TTC7B: variants seen among roughly 807,000 people sequenced by gnomAD.
TTC7B encodes the protein tetratricopeptide repeat domain 7B, also known as tetratricopeptide repeat protein 7B.
TTC7B carries 28 observed loss-of-function variants against 106.8 expected under a neutral mutation model. The observed-to-expected ratio is 0.26, with a 90% CI of 0.19 to 0.36. The LOEUF (loss-of-function observed/expected upper bound fraction) is 0.36. TTC7B is among the 10% of genes least tolerant of loss of function. TTC7B has a pLI of 1.00. For missense variants in TTC7B, 862 were observed against 1,076.4 expected (o/e 0.80, Z 2.79); for synonymous variants, 405 against 430.6 (o/e 0.94, Z 0.74).
intron 19 of TTC7B, among the ~76,000 whole-genome samples, chr14:90,548,354 G>C (rs774709412): frequency 3.3e-5 from 5 of 152,234 alleles, no homozygotes; most frequent in Non-Finnish European, 7.3e-5. Flanking sequence ...CCCTTTGCAG[G>C]GGGTAGAGGT....
chr14:90,650,059 A>G (rs1199612153), intron 13 of TTC7B, among the ~76,000 whole-genome samples: 4 of 152,246 alleles, frequency 2.6e-5, no homozygotes, highest in African/African-American at 9.6e-5. Context: ...TGTGGCATCT[A>G]ACCCAGGGCT....
At chr14:90,638,110 C>T (rs761800148) in intron 15 of TTC7B, among the ~76,000 whole-genome samples, 25 of 151,818 alleles carry the variant, frequency 1.6e-4, no homozygotes, top group Non-Finnish European at 4.4e-5. Context: ...GTCTTGAACT[C>T]CTGAGCTCAA....
chr14:90,585,031 T>A (rs1194153616), intron 18 of TTC7B, among the ~76,000 whole-genome samples: 1 of 152,188 alleles, frequency 6.6e-6, no homozygotes, highest in East Asian at 1.9e-4. Flanking sequence ...CTGAGAAGGG[T>A]TAGCAAGTGG....
intron 5 of TTC7B, among the ~76,000 whole-genome samples, chr14:90,696,550 G>A (rs1477847713): frequency 6.6e-6 from 1 of 152,158 alleles, no homozygotes; most frequent in Admixed American, 6.5e-5. Flanking sequence ...CTTCTTGGAC[G>A]ACATTTTGAA....
intron 8 of TTC7B, among the ~76,000 whole-genome samples, chr14:90,677,097 CT>C (rs1886873507): frequency 6.6e-6 from 1 of 152,200 alleles, no homozygotes; most frequent in Non-Finnish European, 1.5e-5. Flanking sequence ...ATTCCCAGCC[CT>C]GCATTTCCCA....
chr14:90,548,972 C>T (rs1457474690), intron 19 of TTC7B, among the ~76,000 whole-genome samples: 2 of 151,846 alleles, frequency 1.3e-5, no homozygotes, highest in Non-Finnish European at 1.5e-5. Flanking sequence ...CTAAAAAATA[C>T]AAAAAATTAG....
chr14:90,723,334 C>T (rs1468456182), intron 5 of TTC7B, among the ~76,000 whole-genome samples: 1 of 152,228 alleles, frequency 6.6e-6, no homozygotes, highest in Admixed American at 6.5e-5. Flanking sequence ...CTAAGATACA[C>T]ATCTAATGTC....
At chr14:90,627,338 A>C (rs766144531) in intron 15 of TTC7B, among the ~76,000 whole-genome samples, 1 of 152,050 alleles carries the variant, frequency 6.6e-6, no homozygotes, top group Non-Finnish European at 1.5e-5. Context: ...CGCAGCACAC[A>C]AGGCTGGCAC....
At chr14:90,665,611 C>T (rs568794049) in intron 9 of TTC7B, among the ~76,000 whole-genome samples, 1 of 152,338 alleles carries the variant, frequency 6.6e-6, no homozygotes, top group South Asian at 2.1e-4. Flanking sequence ...GATTCTGCAT[C>T]CAAATCCCAC....
intron 9 of TTC7B, among the ~76,000 whole-genome samples, chr14:90,673,951 G>A (rs1020735163): frequency 1.3e-5 from 2 of 152,140 alleles, no homozygotes; most frequent in Admixed American, 6.5e-5. Flanking sequence ...AATGGAGAGT[G>A]GCTGCTTAAT....
chr14:90,553,073 C>T (rs573813635), intron 19 of TTC7B, among the ~76,000 whole-genome samples: 2 of 152,326 alleles, frequency 1.3e-5, no homozygotes, highest in Non-Finnish European at 2.9e-5. Flanking sequence ...CCCCAGGGGG[C>T]TCTTCCTCAG....
rs960300467 is a variant in TTC7B, at chr14:90,600,260, G to A, written c.1967-6634C>T. The stretch of plus-strand genomic sequence containing the variant: ...TAGGACAATTCCCATCTTTGCTGTA[G>A]GGTAGTCCTGCTTTCTGAGGAGGCG... On this transcript the variant is annotated intron_variant, in intron 17 of 19. Coordinates refer to ENST00000328459, the MANE Select transcript of TTC7B (RefSeq NM_001010854.2). The surrounding 1 kb of genome is among the most constrained non-coding windows in gnomAD (Gnocchi z 4.3). 5.3e-5 allele frequency among the ~76,000 whole-genome samples: 8 copies of A among 152,312 alleles called. No individual in the cohort carries two copies. Among genetic ancestry groups the A allele is most frequent in the East Asian group, 1.9e-4 (1 of 5,178 alleles).
At position 90,689,558 on chromosome 14, in the gene TTC7B, C is replaced by A. The variant is rs747063411; in HGVS notation, c.932G>T (p.Arg311Leu). The A allele has an allele frequency of 3.1e-6, 5 of 1,613,822 alleles. No individual in the cohort carries two copies. Among genetic ancestry groups the A allele is most frequent in the Non-Finnish European group, 2.5e-6 (3 of 1,179,910 alleles). The change falls in exon 7 of 20, where the codon CGT (arginine) becomes CTT (leucine). Residue 311 changes from arginine (R) to leucine (L), a missense_variant. Transcript: ENST00000328459. The part of the protein sequence containing the change: ...TKTYTLTRRA[R>L]VYSGENIFCP... ...TTCATACTTCTCTCCTGAGTAGACACGGGCTCTCCGAGTGAGAGTGTAGGT... is the reference window on the plus strand; with the variant it reads ...TTCATACTTCTCTCCTGAGTAGACAAGGGCTCTCCGAGTGAGAGTGTAGGT...
intron 4 of TTC7B, among the ~76,000 whole-genome samples, chr14:90,732,333 A>G (rs1168401201): frequency 6.6e-6 from 1 of 152,146 alleles, no homozygotes; most frequent in African/African-American, 2.4e-5. Flanking sequence ...GATTTCTACA[A>G]CAGCCTCCTG....
chr14:90,768,851 C>T (rs1890771504), intron 3 of TTC7B, among the ~76,000 whole-genome samples: 1 of 152,204 alleles, frequency 6.6e-6, no homozygotes, highest in Non-Finnish European at 1.5e-5. Context: ...TTTTTATTAT[C>T]TGCATGACTT....
intron 13 of TTC7B, chr14:90,648,792 T>C (rs944857668): frequency 1.3e-5 from 2 of 152,274 alleles, no homozygotes; most frequent in African/African-American, 4.8e-5. Flanking sequence ...TCATGGTTTC[T>C]CTCATAATTA....
chr14:90,559,618 C>T (rs982754411), intron 19 of TTC7B, among the ~76,000 whole-genome samples: 1 of 152,218 alleles, frequency 6.6e-6, no homozygotes, highest in African/African-American at 2.4e-5. Context: ...GTGGTGGGAG[C>T]CTCTGTGCTA....
chr14:90,588,897 A>C (rs1891834091), intron 18 of TTC7B, among the ~76,000 whole-genome samples: 1 of 149,964 alleles, frequency 6.7e-6, no homozygotes, highest in Admixed American at 6.6e-5. Context: ...AAAAAAAAAA[A>C]AAAAAAAAAC....
chr14:90,697,866 A>T (rs932019935), intron 5 of TTC7B: 2 of 152,274 alleles, frequency 1.3e-5, no homozygotes. Flanking sequence ...TTTGAAGCAA[A>T]TACAAGTTTT....
Sources: allele counts gnomAD v4.1 joint callset (sites outside exome capture counted in the v4.1 genomes callset), GRCh38; gene constraint gnomAD v4.1.1; non-coding constraint Gnocchi (gnomAD v3.1); transcripts MANE v1.5; gene names NCBI Gene and HGNC (gene_info 2026-07-23, HGNC 2026-07-21).